CNTNAP5: variants seen among roughly 807,000 people sequenced by gnomAD.
CNTNAP5 encodes the protein contactin-associated protein-like 5.
In CNTNAP5, 72 loss-of-function variants were observed where a neutral mutation model predicts 150.2. The ratio of observed to expected loss-of-function variants is 0.48; its 90% CI spans 0.40 to 0.58. The LOEUF is 0.58. Ranked by LOEUF, CNTNAP5 falls within the 20% of genes least tolerant of loss-of-function variation. The pLI is 0.00. For missense variants in CNTNAP5, 1,636 were observed against 1,626.2 expected (o/e 1.01, Z -0.10); for synonymous variants, 672 against 619.8 (o/e 1.08, Z -1.25).
chr2:124,842,801 T>C (rs1464761015), intron 19 of CNTNAP5, among the ~76,000 whole-genome samples: 7 of 152,122 alleles, frequency 4.6e-5, no homozygotes, highest in African/African-American at 1.4e-4. Context: ...AATCGAGCCC[T>C]AGAAAACCAT....
chr2:124,095,656 T>C (rs1030205006), intron 1 of CNTNAP5, among the ~76,000 whole-genome samples: 4 of 152,214 alleles, frequency 2.6e-5, no homozygotes, highest in African/African-American at 9.6e-5. Context: ...ACATTGTTTC[T>C]GAAAAAGTGA....
At chr2:124,559,766 T>G (rs1291947019) in intron 10 of CNTNAP5, among the ~76,000 whole-genome samples, 1 of 152,204 alleles carries the variant, frequency 6.6e-6, no homozygotes, top group African/African-American at 2.4e-5. Context: ...GAAATTATAC[T>G]CATGAAACTG....
At chr2:124,817,222 G>A (rs1346464613) in intron 19 of CNTNAP5, among the ~76,000 whole-genome samples, 1 of 152,140 alleles carries the variant, frequency 6.6e-6, no homozygotes, top group Admixed American at 6.5e-5. Context: ...AAATTAATCT[G>A]TGCTCTTAGA....
chr2:124,345,221 C>T (rs571665638), intron 3 of CNTNAP5, among the ~76,000 whole-genome samples: 5 of 152,302 alleles, frequency 3.3e-5, no homozygotes, highest in South Asian at 2.1e-4. Flanking sequence ...TTTTGTAGAA[C>T]GTTCCATGGA....
chr2:124,845,993 T>C (rs1454539094), intron 19 of CNTNAP5, among the ~76,000 whole-genome samples: 1 of 151,964 alleles, frequency 6.6e-6, no homozygotes, highest in South Asian at 2.1e-4. Context: ...GTTGTTGTTG[T>C]TTCAATTTCA....
intron 7 of CNTNAP5, among the ~76,000 whole-genome samples, chr2:124,490,684 T>C (rs1573409730): frequency 6.6e-6 from 1 of 152,104 alleles, no homozygotes; most frequent in African/African-American, 2.4e-5. Context: ...AGTAAGTATG[T>C]CTGGTGCAAA....
At chr2:124,501,520 T>A (rs1040299931) in intron 7 of CNTNAP5, among the ~76,000 whole-genome samples, 2 of 152,244 alleles carry the variant, frequency 1.3e-5, no homozygotes, top group African/African-American at 4.8e-5. Context: ...TCTTCTCACA[T>A]GGCTTTTCTA....
At chr2:124,796,672 A>G (rs541707546) in intron 18 of CNTNAP5, among the ~76,000 whole-genome samples, 6 of 152,350 alleles carry the variant, frequency 3.9e-5, no homozygotes, top group Admixed American at 6.5e-5. Context: ...TTTGCAATAG[A>G]ATTAGGAAGA....
At chr2:124,615,686 A>G (rs1677479920) in intron 12 of CNTNAP5, among the ~76,000 whole-genome samples, 1 of 151,578 alleles carries the variant, frequency 6.6e-6, no homozygotes. Context: ...GAGATCTACA[A>G]TGGCAAATGC....
intron 11 of CNTNAP5, among the ~76,000 whole-genome samples, chr2:124,606,303 TG>T (rs1309214773): frequency 6.6e-6 from 1 of 151,902 alleles, no homozygotes; most frequent in Non-Finnish European, 1.5e-5. Flanking sequence ...ATTTTGGGGA[TG>T]GGGGGATAAA....
intron 4 of CNTNAP5, among the ~76,000 whole-genome samples, chr2:124,420,704 G>C (rs1219819661): frequency 2.0e-5 from 3 of 152,148 alleles, no homozygotes; most frequent in Non-Finnish European, 4.4e-5. Context: ...CCCTGAGAGA[G>C]ACGAAAATTC....
chr2:124,666,303 T>C (rs1284921620), intron 13 of CNTNAP5, among the ~76,000 whole-genome samples: 1 of 152,152 alleles, frequency 6.6e-6, no homozygotes, highest in Non-Finnish European at 1.5e-5. Flanking sequence ...GGAGTAAAGC[T>C]TTGTCTAAAA....
At position 124,400,964 on chromosome 2, in the gene CNTNAP5, C is replaced by T. The variant is rs1019448147; in HGVS notation, c.382-16479C>T. Among the ~76,000 whole-genome samples the T allele has an allele frequency of 6.6e-5, 10 of 152,094 alleles. No individual in the cohort carries two copies. The East Asian group carries it at 1.2e-3, about 18-fold the overall frequency. The stretch of plus-strand genomic sequence containing the variant: ...TTGGCTCACTGCAACCTCCGCCTCC[C>T]GGGTTCAAGCGATTCTCCTGCCTCA... On this transcript the variant is annotated intron_variant, in intron 3 of 23. Transcript: ENST00000682447.
chr2:124,104,005 ATATT>A (rs923913416), intron 1 of CNTNAP5, among the ~76,000 whole-genome samples: 3 of 147,808 alleles, frequency 2.0e-5, no homozygotes, highest in Non-Finnish European at 4.5e-5. Context: ...TATGAATTAT[ATATT>A]TATATATTAT....
chr2:124,856,732 A>T (rs1392518296), intron 19 of CNTNAP5, among the ~76,000 whole-genome samples: 1 of 152,156 alleles, frequency 6.6e-6, no homozygotes, highest in Non-Finnish European at 1.5e-5. Context: ...TTGGCTGAGT[A>T]TTAGAGGTGC....
intron 13 of CNTNAP5, among the ~76,000 whole-genome samples, chr2:124,732,335 T>C (rs949252548): frequency 2.0e-5 from 3 of 152,172 alleles, no homozygotes; most frequent in African/African-American, 7.2e-5. Context: ...CATATTCCTA[T>C]GGTATGAATA....
chr2:124,698,838 G>T (rs1679460145), intron 13 of CNTNAP5, among the ~76,000 whole-genome samples: 1 of 152,052 alleles, frequency 6.6e-6, no homozygotes, highest in Non-Finnish European at 1.5e-5. Flanking sequence ...TAGAAAACCT[G>T]CATGAGAGAC....
At chr2:124,561,867 T>C (rs539525760) in intron 10 of CNTNAP5, among the ~76,000 whole-genome samples, 1 of 152,350 alleles carries the variant, frequency 6.6e-6, no homozygotes, top group South Asian at 2.1e-4. Flanking sequence ...ACCCATTTGT[T>C]GTATTATATA....
chr2:124,711,518 A>G (rs570601238), intron 13 of CNTNAP5, among the ~76,000 whole-genome samples: 1 of 152,284 alleles, frequency 6.6e-6, no homozygotes, highest in East Asian at 1.9e-4. Context: ...GCTTTCGACC[A>G]TAAGTAACAG....
Sources: gnomAD v4.1 joint callset for allele counts (sites outside exome capture counted in the v4.1 genomes callset) on GRCh38, gnomAD v4.1.1 for gene constraint, MANE v1.5 for transcripts, NCBI Gene and HGNC (gene_info 2026-07-23, HGNC 2026-07-21) for gene names.